Variants in DOHH observed in about 807,000 individuals in gnomAD.
DOHH encodes HEAT-like (PBS lyase) repeat containing 1.
In DOHH, 16 loss-of-function variants were observed where a neutral mutation model predicts 19.9. That is an observed-to-expected ratio of 0.80 (90% CI 0.54 to 1.22). DOHH has a LOEUF of 1.22. Among genes scored for constraint, DOHH ranks in the 50% most tolerant of loss-of-function variants. The pLI, the probability that DOHH is intolerant of heterozygous loss-of-function variation, is 0.00. For synonymous variants in DOHH, 233 were observed against 217.0 expected, an observed-to-expected ratio of 1.07 and a Z score of -0.65; for missense variants, 460 against 460.6, an observed-to-expected ratio of 1.00 and a Z score of 0.01.
In DOHH at chr19:3,491,307, A is replaced by T. The variant is rs1035103901; in HGVS notation, c.*185T>A. 4.6e-6 allele frequency: 3 copies of T among 645,316 alleles called. No homozygotes were observed. The highest frequency in any genetic ancestry group is 7.8e-6 in the Non-Finnish European group (3 of 384,054). The allele number at this position is 645,316 out of a possible 1,614,324, so 40.0% of individuals were successfully genotyped here. On this transcript the variant is annotated 3_prime_UTR_variant, in exon 5 of 5. Coordinates refer to ENST00000427575, the MANE Select transcript of DOHH (RefSeq NM_001145165.2). This position sits in a 1 kb window ranked among gnomAD's most constrained non-coding sequence, Gnocchi z 5.6. ...CCAGGCCCCGAGGAGCAGTCAGGGG[A>T]CTCAGGGAGTCACAGCACAACGGCA... is the stretch of plus-strand genomic sequence containing the variant.
At chr19:3,493,040 G>T (rs1294310364) in intron 3 of DOHH, among the ~76,000 whole-genome samples, 1 of 152,240 alleles carries the variant, frequency 6.6e-6, no homozygotes, top group Non-Finnish European at 1.5e-5. Context: ...AAAGGAACAT[G>T]CATGTCCGTG....
intron 1 of DOHH, among the ~76,000 whole-genome samples, chr19:3,498,386 A>C (rs1164329532): frequency 1.3e-5 from 2 of 152,102 alleles, no homozygotes; most frequent in Non-Finnish European, 2.9e-5. Context: ...CCTGGGCCTT[A>C]AGGCATGACA....
chr19:3,499,577 AGCTGAC>A, intron 1 of DOHH, among the ~76,000 whole-genome samples: 1 of 152,224 alleles, frequency 6.6e-6, no homozygotes, highest in Non-Finnish European at 1.5e-5. Flanking sequence ...GTTCGAGACC[AGCTGAC>A]CAACATGGTG....
At chr19:3,493,287 A>G (rs1235810490) in intron 3 of DOHH, among the ~76,000 whole-genome samples, 1 of 152,192 alleles carries the variant, frequency 6.6e-6, no homozygotes, top group Non-Finnish European at 1.5e-5. Context: ...CTTCATCTCT[A>G]TAAAGAAAAA....
Position 3,491,944 on chromosome 19 carries a change from C to T in DOHH, c.590-133G>A. 2 of 1,067,672 alleles carry T rather than the reference C, an allele frequency of 1.9e-6. No homozygotes were observed. The highest frequency in any genetic ancestry group is 1.7e-5 in the African/African-American group (1 of 59,152). 66.1% of individuals were successfully genotyped at this position (1,067,672 alleles called of 1,614,324 possible). ...CTGGCGATCTTCCCATCCCGGCCTC[C>T]CAAAGTGCTGGGACGACAGGCGTGA... On this transcript the variant is annotated intron_variant, in intron 4 of 4. Transcript: ENST00000427575. The surrounding 1 kb of genome is among the most constrained non-coding windows in gnomAD (Gnocchi z 5.6).
In DOHH at chr19:3,492,504, G is replaced by A. The variant is rs770110900; in HGVS notation, c.352-5C>T. On this transcript the variant is annotated splice_region_variant and splice_polypyrimidine_tract_variant and intron_variant, in intron 3 of 4. Transcript: ENST00000427575. ...CAGCTGGCAGGTCTCGGCCACCTGC[G>A]GGGAGGGGGTATCAGGCAGCGGGTT... 5.1e-6 allele frequency: 7 copies of A among 1,376,540 alleles called. No homozygotes were observed. Among genetic ancestry groups the A allele is most frequent in the South Asian group, 5.0e-5 (3 of 59,768 alleles). 85.3% of individuals were successfully genotyped at this position (1,376,540 alleles called of 1,614,324 possible).
At chr19:3,494,319 C>A (rs1018955217) in intron 2 of DOHH, among the ~76,000 whole-genome samples, 1 of 152,174 alleles carries the variant, frequency 6.6e-6, no homozygotes, top group Non-Finnish European at 1.5e-5. Context: ...TGGAACCGCA[C>A]CTGGCTGCCG....
Position 3,496,663 on chromosome 19 carries a change from G to A in DOHH, c.152C>T (p.Ser51Phe), listed in dbSNP as rs774386764. The A allele has an allele frequency of 6.2e-7, 1 of 1,614,002 alleles. No individual in the cohort carries two copies. The highest frequency in any genetic ancestry group is 8.5e-7 in the Non-Finnish European group (1 of 1,180,014). ...AWISQAFDDD[S>F]ALLKHELAYC... ...GGCCAGCTCGTGCTTGAGCAGGGCG[G>A]AATCGTCATCGAAGGCCTGGCTGAT... Residue 51 changes from serine (S) to phenylalanine (F), a missense_variant, in exon 2 of 5, where the codon TCC becomes TTC. Coordinates refer to ENST00000427575, the MANE Select transcript of DOHH (RefSeq NM_001145165.2). The surrounding 1 kb of genome is among the most constrained non-coding windows in gnomAD (Gnocchi z 4.8).
At position 3,491,959 on chromosome 19, in the gene DOHH, G is replaced by A. The variant is rs531710558; in HGVS notation, c.590-148C>T. 16 of 967,588 alleles carry A rather than the reference G, an allele frequency of 1.7e-5. No individual in the cohort carries two copies. The highest frequency in any genetic ancestry group is 5.2e-5 in the African/African-American group (3 of 57,196). The allele number at this position is 967,588 out of a possible 1,614,324, so 59.9% of individuals were successfully genotyped here. On this transcript the variant is annotated intron_variant, in intron 4 of 4. Transcript: ENST00000427575. This position sits in a 1 kb window ranked among gnomAD's most constrained non-coding sequence, Gnocchi z 5.6. ...TCCCGGCCTCCCAAAGTGCTGGGAC[G>A]ACAGGCGTGAGCCACCACGCCCAAC... is the stretch of plus-strand genomic sequence containing the variant.
chr19:3,499,639 G>A (rs2082934621), intron 1 of DOHH, among the ~76,000 whole-genome samples: 1 of 152,156 alleles, frequency 6.6e-6, no homozygotes, highest in South Asian at 2.1e-4. Context: ...GGGCGTGGTG[G>A]TGGGCGCCTG....
chr19:3,500,205 C>G (rs2082939956), intron 1 of DOHH, among the ~76,000 whole-genome samples: 4 of 152,200 alleles, frequency 2.6e-5, no homozygotes. Context: ...GTCAGCAAGG[C>G]TGCCTGGGCT....
At position 3,491,235 on chromosome 19, in the gene DOHH, G is replaced by A. The variant is rs562860995; in HGVS notation, c.*257C>T. 8 of 542,968 alleles carry A rather than the reference G, an allele frequency of 1.5e-5. No individual in the cohort carries two copies. In the Admixed American group the frequency reaches 2.6e-4, roughly 18 times the overall value. 33.6% of individuals were successfully genotyped at this position (542,968 alleles called of 1,614,324 possible). Reference sequence around the variant, plus strand: ...TGAGCCGGGCATCCCAGAGCCTCCCGCAGAGTCCCACCCCAAGCCTGGAAA... The same window carrying A: ...TGAGCCGGGCATCCCAGAGCCTCCCACAGAGTCCCACCCCAAGCCTGGAAA... On this transcript the variant is annotated 3_prime_UTR_variant, in exon 5 of 5. Transcript: ENST00000427575. This position sits in a 1 kb window ranked among gnomAD's most constrained non-coding sequence, Gnocchi z 5.6.
intron 1 of DOHH, among the ~76,000 whole-genome samples, chr19:3,498,390 C>G (rs1461982497): frequency 6.6e-6 from 1 of 151,908 alleles, no homozygotes; most frequent in Non-Finnish European, 1.5e-5. Context: ...GGCCTTAAGG[C>G]ATGACAAGAT....
intron 1 of DOHH, among the ~76,000 whole-genome samples, chr19:3,498,167 G>A (rs992729840): frequency 6.6e-6 from 1 of 152,096 alleles, no homozygotes; most frequent in Admixed American, 6.6e-5. Context: ...TGCAGCCCTA[G>A]GGCCTTTGCA....
intron 2 of DOHH, among the ~76,000 whole-genome samples, chr19:3,495,408 T>C (rs1362656206): frequency 6.6e-6 from 1 of 152,154 alleles, no homozygotes; most frequent in Admixed American, 6.5e-5. Flanking sequence ...TCCTGAGTAG[T>C]TGGGACCACA....
Position 3,491,348 on chromosome 19 carries a change from A to C in DOHH, c.*144T>G. 1.1e-6 allele frequency: 1 copy of C among 874,454 alleles called. No individual in the cohort carries two copies. The highest frequency in any genetic ancestry group is 1.7e-6 in the Non-Finnish European group (1 of 584,110). The allele number at this position is 874,454 out of a possible 1,614,324, so 54.2% of individuals were successfully genotyped here. On this transcript the variant is annotated 3_prime_UTR_variant, in exon 5 of 5. Transcript: ENST00000427575. The surrounding 1 kb of genome is among the most constrained non-coding windows in gnomAD (Gnocchi z 5.6). ...CACAACGGCAGCTCCTCGGTCCCAG[A>C]CGGAGGAGGGGGACAGCAACCATGC...
Position 3,491,826 on chromosome 19 carries a change from G to A in DOHH, c.590-15C>T, listed in dbSNP as rs1180053503. 2 of 1,444,988 alleles carry A rather than the reference G, an allele frequency of 1.4e-6. No homozygotes were observed. The highest frequency in any genetic ancestry group is 3.1e-5 in the Admixed American group (1 of 32,636). The allele number at this position is 1,444,988 out of a possible 1,614,324, so 89.5% of individuals were successfully genotyped here. On this transcript the variant is annotated splice_polypyrimidine_tract_variant and intron_variant, in intron 4 of 4. Coordinates refer to ENST00000427575, the MANE Select transcript of DOHH (RefSeq NM_001145165.2). This position sits in a 1 kb window ranked among gnomAD's most constrained non-coding sequence, Gnocchi z 5.6. ...ACAGTGCAGACCTGCAGGGGAGAGGGACACTCGCTGGGGCCAGGAGGGGTG... is the reference window on the plus strand; with the variant it reads ...ACAGTGCAGACCTGCAGGGGAGAGGAACACTCGCTGGGGCCAGGAGGGGTG...
At chr19:3,493,823 G>A (rs949793665) in intron 3 of DOHH, among the ~76,000 whole-genome samples, 3 of 152,182 alleles carry the variant, frequency 2.0e-5, no homozygotes, top group African/African-American at 7.2e-5. Flanking sequence ...GGTTGTCGCC[G>A]TTTTGCCAAA....
rs964887343 is a variant in DOHH at position 3,491,271 on chromosome 19, A to G, written c.*221T>C. 9 of 590,834 alleles carry G rather than the reference A, an allele frequency of 1.5e-5. No homozygotes were observed. The highest frequency in any genetic ancestry group is 1.4e-4 in the African/African-American group (7 of 51,706). 36.6% of individuals were successfully genotyped at this position (590,834 alleles called of 1,614,324 possible). A position where few individuals can be genotyped will look rare whatever the true frequency, so the allele number is the denominator to read the frequency against. On this transcript the variant is annotated 3_prime_UTR_variant, in exon 5 of 5. Coordinates refer to ENST00000427575, the MANE Select transcript of DOHH (RefSeq NM_001145165.2). This position sits in a 1 kb window ranked among gnomAD's most constrained non-coding sequence, Gnocchi z 5.6. ...CCCCAAGCCTGGAAACTTCCACGCT[A>G]CAGCCCTGCGCCAGGCCCCGAGGAG...
Sources: gnomAD v4.1 joint callset for allele counts (sites outside exome capture counted in the v4.1 genomes callset) on GRCh38, gnomAD v4.1.1 for gene constraint, Gnocchi (gnomAD v3.1) non-coding constraint, MANE v1.5 for transcripts, NCBI Gene and HGNC (gene_info 2026-07-23, HGNC 2026-07-21) for gene names.